Variants in TARBP1 observed in about 807,000 individuals in gnomAD.
TARBP1 encodes the protein tRNA guanosine 2 -O-methyltransferase TARBP1, also known as tRNA (guanosine(18)-2'-O)-methyltransferase TARBP1.
Under a neutral mutation model 178.6 loss-of-function variants are expected in TARBP1, and 144 were observed. That is an observed-to-expected ratio of 0.81 (90% CI 0.70 to 0.93). The LOEUF is 0.93. TARBP1 is among the 40% of genes least tolerant of loss of function. The probability of loss-of-function intolerance (pLI) is 0.00; values close to 1 mark genes in which losing one functional copy is unlikely to be tolerated. For synonymous variants in TARBP1, 787 were observed against 781.0 expected (o/e 1.01, Z -0.13); for missense variants, 2,067 against 2,011.7 (o/e 1.03, Z -0.53).
chr1:234,405,502 T>A (rs2175592), intron 24 of TARBP1: 25,202 of 162,140 alleles, frequency 0.16, 2,255 homozygotes, highest in East Asian at 0.3. Context: ...GAGAGTTCTC[T>A]TAGAAAAGAA....
intron 22 of TARBP1, among the ~76,000 whole-genome samples, chr1:234,416,918 A>C (rs545230394): frequency 6.6e-6 from 1 of 152,344 alleles, no homozygotes; most frequent in African/African-American, 2.4e-5. Context: ...CAGAAAGAGA[A>C]GCAGACAGGC....
chr1:234,419,516 AAC>A (rs1006703724), intron 21 of TARBP1, among the ~76,000 whole-genome samples: 7 of 152,304 alleles, frequency 4.6e-5, no homozygotes, highest in Admixed American at 1.3e-4. Flanking sequence ...CATAAGATAT[AAC>A]AGTTTACAAC....
intron 21 of TARBP1, among the ~76,000 whole-genome samples, chr1:234,418,707 A>G (rs932437343): frequency 6.6e-6 from 1 of 152,202 alleles, no homozygotes; most frequent in Non-Finnish European, 1.5e-5. Flanking sequence ...TCCTGCCCTC[A>G]TGGTCTGTGT....
rs570274550 is a variant in TARBP1, at chr1:234,473,004, T to C, written c.932-193A>G. On this transcript the variant is annotated intron_variant, in intron 1 of 29. Coordinates refer to ENST00000040877, the MANE Select transcript of TARBP1 (RefSeq NM_005646.4). ...ATTTTTTTTTGCACTAAGATTACTG[T>C]TTTGGAGTTCTGGGTAAAAATGGCA... Among the ~76,000 whole-genome samples the C allele has an allele frequency of 1.6e-4, 24 of 152,128 alleles. No individual in the cohort carries two copies. In the South Asian group the frequency reaches 4.8e-3, roughly 30 times the overall value.
At position 234,451,766 on chromosome 1, in the gene TARBP1, A is replaced by AAAAAAACAAAAAAACAAAAAAAC. The variant is rs57636903; in HGVS notation, c.1723-1201_1723-1200insGTTTTTTTGTTTTTTTGTTTTTT. ...TCCGTCTCAAAAAAAAAAAAAAAAA[A>AAAAAAACAAAAAAACAAAAAAAC]TGATGAATGACTGGATCATCGAAGT... is the stretch of plus-strand genomic sequence containing the variant. On this transcript the variant is annotated intron_variant, in intron 9 of 29. Coordinates refer to ENST00000040877, the MANE Select transcript of TARBP1 (RefSeq NM_005646.4). 5.2e-4 allele frequency among the ~76,000 whole-genome samples: 9 copies of AAAAAAACAAAAAAACAAAAAAAC among 17,176 alleles called. 2 individuals are homozygous for AAAAAAACAAAAAAACAAAAAAAC. In the South Asian group the frequency reaches 0.032, roughly 61 times the overall value. The allele number at this position is 17,176 out of a possible 152,430, so 11.3% of individuals were successfully genotyped here. A position where few individuals can be genotyped will look rare whatever the true frequency, so the allele number is the denominator to read the frequency against.
chr1:234,460,544 C>T (rs1016276914), intron 6 of TARBP1, 148 bp from the exon 7 acceptor site: 4 of 840,150 alleles, frequency 4.8e-6, no homozygotes, highest in Admixed American at 2.8e-5. Context: ...AAAGGACAGA[C>T]AATACTCAGA....
At chr1:234,471,554 A>G (rs1003809082) in intron 2 of TARBP1, among the ~76,000 whole-genome samples, 1 of 152,224 alleles carries the variant, frequency 6.6e-6, no homozygotes, top group Admixed American at 6.5e-5. Flanking sequence ...AGGACTGCCA[A>G]TACTAAGATA....
chr1:234,413,666 G>A (rs748099752), intron 22 of TARBP1, among the ~76,000 whole-genome samples: 11 of 152,244 alleles, frequency 7.2e-5, no homozygotes, highest in East Asian at 1.9e-4. Context: ...CTGAGACGAC[G>A]TAAGACACTG....
chr1:234,427,244 G>T (rs1286821312), intron 19 of TARBP1, 73 bp downstream of exon 19: 3 of 1,042,276 alleles, frequency 2.9e-6, no homozygotes, highest in Non-Finnish European at 4.3e-6. Flanking sequence ...AGCAAATACA[G>T]AATGTTTGTC....
chr1:234,464,043 A>C, intron 5 of TARBP1, 109 bp from the exon 6 acceptor site: 1 of 515,838 alleles, frequency 1.9e-6, no homozygotes, highest in Non-Finnish European at 3.2e-6. Context: ...CAATAAAACA[A>C]TCAGACAGTT....
intron 12 of TARBP1, among the ~76,000 whole-genome samples, chr1:234,440,202 C>G (rs1368946440): frequency 6.6e-6 from 1 of 151,840 alleles, no homozygotes; most frequent in Non-Finnish European, 1.5e-5. Flanking sequence ...ATAGTTAAAG[C>G]AACACTTGGA....
intron 14 of TARBP1, among the ~76,000 whole-genome samples, chr1:234,430,597 G>A (rs755305952): frequency 3.9e-5 from 6 of 152,110 alleles, no homozygotes; most frequent in Non-Finnish European, 7.4e-5. Flanking sequence ...TGACAGATTC[G>A]CTACGTACAG....
At chr1:234,467,095 T>C (rs1002927147) in intron 4 of TARBP1, among the ~76,000 whole-genome samples, 8 of 152,220 alleles carry the variant, frequency 5.3e-5, no homozygotes, top group African/African-American at 1.2e-4. Flanking sequence ...CTATTTCATA[T>C]AGTAGACAAC....
At chr1:234,421,026 A>T (rs1178831009) in intron 20 of TARBP1, among the ~76,000 whole-genome samples, 1 of 152,156 alleles carries the variant, frequency 6.6e-6, no homozygotes, top group Non-Finnish European at 1.5e-5. Context: ...AAAAATAAAA[A>T]AATTTTTAAA....
chr1:234,429,081 G>A, intron 17 of TARBP1, 55 bp downstream of exon 17: 8 of 1,459,342 alleles, frequency 5.5e-6, no homozygotes, highest in South Asian at 1.5e-5. Flanking sequence ...TGTTCCTCAT[G>A]TGCTGAAGCT....
rs895116348 is a variant in TARBP1 at position 234,430,261 on chromosome 1, A to G, written c.2435T>C (p.Met812Thr). 1.2e-6 allele frequency: 2 copies of G among 1,614,134 alleles called. No individual in the cohort carries two copies. Among genetic ancestry groups the G allele is most frequent in the Non-Finnish European group, 1.7e-6 (2 of 1,180,026 alleles). Residue 812 changes from methionine (M) to threonine (T), a missense_variant, in exon 15 of 30, where the codon ATG becomes ACG. Coordinates refer to ENST00000040877, the MANE Select transcript of TARBP1 (RefSeq NM_005646.4). ...CTCACACACCATGGCCAAGGCAGCC[A>G]TGCTCACTACTCTCTGAATCTGACT... is the stretch of plus-strand genomic sequence containing the variant. ...VGSQIQRVVSMAALAMVCEAI... is the reference protein window; with the variant it reads ...VGSQIQRVVSTAALAMVCEAI...
intron 11 of TARBP1, among the ~76,000 whole-genome samples, chr1:234,447,680 C>T (rs1018618532): frequency 6.6e-6 from 1 of 152,122 alleles, no homozygotes; most frequent in Non-Finnish European, 1.5e-5. Context: ...CTGTATGTCA[C>T]GCAAATATCC....
intron 24 of TARBP1, among the ~76,000 whole-genome samples, chr1:234,403,168 C>T (rs1193082059): frequency 6.6e-6 from 1 of 152,166 alleles, no homozygotes; most frequent in East Asian, 1.9e-4. Context: ...CAACATCAAC[C>T]CAAGCCTGGC....
At chr1:234,396,590 T>C (rs1659957498) in intron 26 of TARBP1, among the ~76,000 whole-genome samples, 1 of 152,112 alleles carries the variant, frequency 6.6e-6, no homozygotes, top group Admixed American at 6.5e-5. Context: ...GTCTCATGTC[T>C]AACACGCAGG....
Sources: allele counts gnomAD v4.1 joint callset (sites outside exome capture counted in the v4.1 genomes callset), GRCh38; gene constraint gnomAD v4.1.1; transcripts MANE v1.5; gene names NCBI Gene and HGNC (gene_info 2026-07-23, HGNC 2026-07-21).